TRIM14: variants seen among roughly 807,000 people sequenced by gnomAD.
The protein encoded by TRIM14 is tripartite motif containing 14.
Under a neutral mutation model 44.5 loss-of-function variants are expected in TRIM14, and 28 were observed. The ratio of observed to expected loss-of-function variants is 0.63; its 90% CI spans 0.47 to 0.86. The LOEUF is 0.86. TRIM14 is among the 40% of genes least tolerant of loss of function. TRIM14 has a pLI of 0.00. For missense variants in TRIM14, 607 were observed against 611.1 expected (o/e 0.99, Z 0.07); for synonymous variants, 299 against 269.2 (o/e 1.11, Z -1.08).
chr9:98,098,583 G>A (rs930767559), intron 3 of TRIM14, among the ~76,000 whole-genome samples: 2 of 151,984 alleles, frequency 1.3e-5, no homozygotes, highest in African/African-American at 2.4e-5. Flanking sequence ...GTGGTGGGGG[G>A]CGCCTGTAGT....
At chr9:98,039,067 A>T in the TRIM14 span, among the ~76,000 whole-genome samples, 3 of 152,038 alleles carry the variant, frequency 2.0e-5, no homozygotes, top group East Asian at 5.8e-4. Context: ...AACCAAAAAA[A>T]ACCTGAGACA....
the TRIM14 span, among the ~76,000 whole-genome samples, chr9:98,051,006 T>C: frequency 2.6e-5 from 4 of 152,154 alleles, no homozygotes; most frequent in Non-Finnish European, 5.9e-5. Flanking sequence ...ACTCCTGGCC[T>C]CAAGTGATCC....
intron 6 of TRIM14, chr9:98,069,771 G>C (rs1181796368): frequency 6.6e-6 from 1 of 152,284 alleles, no homozygotes; most frequent in African/African-American, 2.4e-5. Context: ...GGTTATAAAG[G>C]GGTGACATGA....
intron 1 of TRIM14, among the ~76,000 whole-genome samples, chr9:98,114,155 T>A (rs1373969408): frequency 1.3e-5 from 2 of 152,222 alleles, no homozygotes; most frequent in Admixed American, 1.3e-4. Context: ...AAAAGCGTAT[T>A]ATTAATGTGT....
chr9:98,065,308 C>CTTTTTTTTT (rs758040892), downstream of TRIM14, among the ~76,000 whole-genome samples: 2 of 92,762 alleles, frequency 2.2e-5, no homozygotes, highest in Non-Finnish European at 3.9e-5. Context: ...ACTCCTGGTG[C>CTTTTTTTTT]TTTTTTTTTT....
chr9:98,047,875 G>A, the TRIM14 span, among the ~76,000 whole-genome samples: 1 of 151,966 alleles, frequency 6.6e-6, no homozygotes, highest in Non-Finnish European at 1.5e-5. Context: ...GACCAGCCTG[G>A]CCAATGTGGT....
chr9:98,099,885 TG>T, intron 3 of TRIM14, 45 bp downstream of exon 3: 1 of 1,530,806 alleles, frequency 6.5e-7, no homozygotes, highest in Admixed American at 1.7e-5. Context: ...TGAGATGAAG[TG>T]TGGGTGGCAG....
At position 98,094,925 on chromosome 9, in the gene TRIM14, G is replaced by A. The variant is rs780453285; in HGVS notation, c.642C>T (p.Gly214=). The change falls in exon 4 of 6, where the codon GGC becomes GGT. Residue 214 remains glycine (G), a synonymous_variant. Coordinates refer to ENST00000341469, the MANE Select transcript of TRIM14 (RefSeq NM_014788.4). ...SFEPVKSFFK[G]LVEAVESTLQ... The stretch of plus-strand genomic sequence containing the variant: ...ATGTACTCTCCACGGCTTCCACGAG[G>A]CCCTTAAAGAAGCTCTTGACGGGCT... 6.2e-7 allele frequency: 1 copy of A among 1,614,196 alleles called. No homozygotes were observed. The highest frequency in any genetic ancestry group is 8.5e-7 in the Non-Finnish European group (1 of 1,180,018).
the TRIM14 span, among the ~76,000 whole-genome samples, chr9:98,041,490 G>T: frequency 6.9e-6 from 1 of 144,758 alleles, no homozygotes; most frequent in East Asian, 2.0e-4. Context: ...CAGCAATAAG[G>T]ACATCTTTTT....
At chr9:98,098,620 G>A (rs896401701) in intron 3 of TRIM14, among the ~76,000 whole-genome samples, 7 of 152,020 alleles carry the variant, frequency 4.6e-5, no homozygotes, top group Non-Finnish European at 8.8e-5. Context: ...GCTGAGGCAG[G>A]AGAATGGTGG....
chr9:98,074,415 C>T (rs1208251607), intron 6 of TRIM14, among the ~76,000 whole-genome samples: 1 of 152,126 alleles, frequency 6.6e-6, no homozygotes, highest in Non-Finnish European at 1.5e-5. Context: ...CAAGGAGTCC[C>T]TGAAGAGAAA....
Position 98,092,012 on chromosome 9 carries a change from T to A in TRIM14, c.701-11A>T, listed in dbSNP as rs775006002. ...GCTGGCAGTTTATGCCTGTAAGGAA[T>A]TGTTGAGAAATGAGCGCCCGGAGCT... is the stretch of plus-strand genomic sequence containing the variant. On this transcript the variant is annotated splice_polypyrimidine_tract_variant and intron_variant, in intron 4 of 5. Coordinates refer to ENST00000341469, the MANE Select transcript of TRIM14 (RefSeq NM_014788.4). 1.3e-6 allele frequency: 2 copies of A among 1,599,072 alleles called. No homozygotes were observed. The highest frequency in any genetic ancestry group is 1.7e-5 in the Admixed American group (1 of 58,586).
intron 2 of TRIM14, 48 bp downstream of exon 2, chr9:98,109,841 G>A (rs1826775667): frequency 2.7e-6 from 4 of 1,493,966 alleles, no homozygotes; most frequent in Middle Eastern, 3.9e-4. Flanking sequence ...TTTGTCTGGG[G>A]GGAAATGTGG....
At chr9:98,077,076 C>G in intron 6 of TRIM14, 1 of 1,293,456 alleles carries the variant, frequency 7.7e-7, no homozygotes, top group South Asian at 1.3e-5. Flanking sequence ...TATTTTTACT[C>G]CCCTCATGGT....
In TRIM14 at chr9:98,087,294, T is replaced by C; in HGVS notation, c.*176A>G. ...GACTTGTTTAGGGCCTGTTTGAAACTAGCCTAGGAGAGGAAACCTTCAAAG... is the reference window on the plus strand; with the variant it reads ...GACTTGTTTAGGGCCTGTTTGAAACCAGCCTAGGAGAGGAAACCTTCAAAG... On this transcript the variant is annotated 3_prime_UTR_variant, in exon 6 of 6. Coordinates refer to ENST00000341469, the MANE Select transcript of TRIM14 (RefSeq NM_014788.4). 9.7e-7 allele frequency: 1 copy of C among 1,025,804 alleles called. No homozygotes were observed. The highest frequency in any genetic ancestry group is 2.4e-5 in the East Asian group (1 of 42,196). 63.5% of individuals were successfully genotyped at this position (1,025,804 alleles called of 1,614,324 possible). A position where few individuals can be genotyped will look rare whatever the true frequency, so the allele number is the denominator to read the frequency against.
chr9:98,110,840 C>G (rs1398172675), intron 1 of TRIM14, among the ~76,000 whole-genome samples: 1 of 111,098 alleles, frequency 9.0e-6, no homozygotes, highest in Non-Finnish European at 1.6e-5. Context: ...GACTCTGCCT[C>G]TACCACAAAA....
Position 98,087,989 on chromosome 9 carries a change from C to G in TRIM14, c.810G>C (p.Thr270=), listed in dbSNP as rs1825856514. ...SLLLKYARTP[T]LDPDTMHARL... ...GCGCGTGCATCGTGTCAGGATCCAG[C>G]GTGGGCGTGCGCGCGTCTGCAGGGG... The change falls in exon 6 of 6, where the codon ACG becomes ACC. Residue 270 remains threonine, a synonymous_variant. Transcript: ENST00000341469. The G allele has an allele frequency of 1.9e-6, 3 of 1,549,548 alleles. No individual in the cohort carries two copies. The highest frequency in any genetic ancestry group is 1.7e-6 in the Non-Finnish European group (2 of 1,160,022).
chr9:98,097,216 C>T (rs1826218961), intron 3 of TRIM14, among the ~76,000 whole-genome samples: 1 of 152,070 alleles, frequency 6.6e-6, no homozygotes, highest in South Asian at 2.1e-4. Context: ...ACAAACATTC[C>T]TGTCTCCTAT....
downstream of TRIM14, among the ~76,000 whole-genome samples, chr9:98,068,691 T>C (rs1829222910): frequency 6.6e-6 from 1 of 151,286 alleles, no homozygotes; most frequent in Non-Finnish European, 1.5e-5. Flanking sequence ...TGTGTGCCTG[T>C]AGCCTCAGCT....
Sources: allele counts gnomAD v4.1 joint callset (sites outside exome capture counted in the v4.1 genomes callset), GRCh38; gene constraint gnomAD v4.1.1; transcripts MANE v1.5; gene names NCBI Gene and HGNC (gene_info 2026-07-23, HGNC 2026-07-21).